CACNB4: variants seen among roughly 807,000 people sequenced by gnomAD.
CACNB4 encodes calcium voltage-gated channel auxiliary subunit beta 4, also known as voltage-dependent L-type calcium channel subunit beta-4.
A neutral mutation model predicts 71.2 loss-of-function variants in CACNB4; 32 were observed. The observed-to-expected ratio is 0.45, with a 90% CI of 0.34 to 0.60. The LOEUF is 0.60. Among genes scored for constraint, CACNB4 ranks in the 20% least tolerant of loss-of-function variants. The probability of loss-of-function intolerance (pLI) is 0.01; values close to 1 mark genes in which losing one functional copy is unlikely to be tolerated. For synonymous variants in CACNB4, 231 were observed against 236.9 expected, an observed-to-expected ratio of 0.97 and a Z score of 0.23; for missense variants, 464 against 647.9, an observed-to-expected ratio of 0.72 and a Z score of 3.08.
chr2:152,011,448 G>A (rs1579123594), intron 2 of CACNB4, among the ~76,000 whole-genome samples: 2 of 152,288 alleles, frequency 1.3e-5, no homozygotes, highest in East Asian at 3.9e-4. Flanking sequence ...GAAGCACGGA[G>A]AAATCAACTA....
chr2:152,097,779 T>C (rs1319718916), intron 2 of CACNB4, among the ~76,000 whole-genome samples: 1 of 152,156 alleles, frequency 6.6e-6, no homozygotes, highest in East Asian at 1.9e-4. Flanking sequence ...CAGCTGTCTT[T>C]CCCTAACTAA....
rs559260925 is a variant in CACNB4 at position 151,979,380 on chromosome 2, C to A, written c.148-96010G>T. The stretch of plus-strand genomic sequence containing the variant: ...GCAAGGTAAAAAAAATTCCCATGGC[C>A]TATTCAACTTGCCAGAAAATGACAG... On this transcript the variant is annotated intron_variant, in intron 2 of 13. Coordinates refer to ENST00000539935, the MANE Select transcript of CACNB4 (RefSeq NM_000726.5). Among the ~76,000 whole-genome samples, 3 of 151,846 alleles carry A rather than the reference C, an allele frequency of 2.0e-5. No homozygotes were observed. In the East Asian group the frequency reaches 5.8e-4, roughly 29 times the overall value.
chr2:151,964,708 T>C lies in CACNB4; in HGVS notation c.148-81338A>G, dbSNP rs1460761476. ...AGTACAAAATATGACTTTAGGGATATGACAATACAGAAAAATACCGCCATT... is the reference window on the plus strand; with the variant it reads ...AGTACAAAATATGACTTTAGGGATACGACAATACAGAAAAATACCGCCATT... On this transcript the variant is annotated intron_variant, in intron 2 of 13. Coordinates refer to ENST00000539935, the MANE Select transcript of CACNB4 (RefSeq NM_000726.5). Among the ~76,000 whole-genome samples the C allele has an allele frequency of 2.0e-5, 3 of 152,244 alleles. No homozygotes were observed. In the South Asian group the frequency reaches 6.2e-4, roughly 32 times the overall value.
intron 2 of CACNB4, among the ~76,000 whole-genome samples, chr2:152,030,352 A>G (rs1356328409): frequency 6.6e-6 from 1 of 152,250 alleles, no homozygotes; most frequent in Non-Finnish European, 1.5e-5. Flanking sequence ...AGTATAATTC[A>G]CTATGTATAG....
chr2:151,867,134 A>C (rs1367324668), intron 9 of CACNB4: 3 of 152,220 alleles, frequency 2.0e-5, no homozygotes, highest in Admixed American at 2.0e-4. Context: ...GGATTTGTTC[A>C]GATAGGGCTG....
In CACNB4 at chr2:151,836,083, T is replaced by C. The variant is rs2099834830; in HGVS notation, c.*3036A>G. 1 of 151,908 alleles carries C rather than the reference T, an allele frequency of 6.6e-6. No homozygotes were observed. Among genetic ancestry groups the C allele is most frequent in the African/African-American group, 2.4e-5 (1 of 41,452 alleles). The allele number at this position is 151,908 out of a possible 1,614,324, so 9.4% of individuals were successfully genotyped here. A position where few individuals can be genotyped will look rare whatever the true frequency, so the allele number is the denominator to read the frequency against. Reference sequence around the variant, plus strand: ...CTTTAAATATTAAACAAGATAATGTTGTTGGTTATAATATTAGAGTGACAT... The same window carrying C: ...CTTTAAATATTAAACAAGATAATGTCGTTGGTTATAATATTAGAGTGACAT... On this transcript the variant is annotated 3_prime_UTR_variant, in exon 14 of 14. Transcript: ENST00000539935.
chr2:151,907,048 A>G (rs551075261), intron 2 of CACNB4, among the ~76,000 whole-genome samples: 1 of 151,900 alleles, frequency 6.6e-6, no homozygotes, highest in South Asian at 2.1e-4. Flanking sequence ...TGAAAACCAC[A>G]TTTTATCCAT....
chr2:152,041,861 G>A (rs546886777), intron 2 of CACNB4, among the ~76,000 whole-genome samples: 1 of 152,344 alleles, frequency 6.6e-6, no homozygotes, highest in South Asian at 2.1e-4. Context: ...CCCTGCGTGA[G>A]CACTAATTCC....
intron 13 of CACNB4, among the ~76,000 whole-genome samples, chr2:151,841,023 C>T (rs1171717845): frequency 6.6e-6 from 1 of 152,178 alleles, no homozygotes; most frequent in Non-Finnish European, 1.5e-5. Context: ...ATCCTGTGTT[C>T]GTCACCAGCT....
At chr2:151,880,607 G>A (rs759790045) in intron 4 of CACNB4, 193 bp downstream of exon 4, 63 of 610,096 alleles carry the variant, frequency 1.0e-4, no homozygotes, top group Non-Finnish European at 1.6e-4. Flanking sequence ...TGTTGTCAGT[G>A]TGTGATAATG....
At chr2:151,931,496 A>G (rs1004127389) in intron 2 of CACNB4, among the ~76,000 whole-genome samples, 1 of 152,240 alleles carries the variant, frequency 6.6e-6, no homozygotes, top group Non-Finnish European at 1.5e-5. Context: ...TCAGGCTCAC[A>G]AAAGGAACAT....
At chr2:151,868,142 C>A (rs543985184) in intron 9 of CACNB4, 1 of 152,128 alleles carries the variant, frequency 6.6e-6, no homozygotes, top group Non-Finnish European at 1.5e-5. Flanking sequence ...CAATACCATG[C>A]TTGTTTTTAT....
intron 12 of CACNB4, among the ~76,000 whole-genome samples, chr2:151,848,281 T>C (rs894546027): frequency 2.6e-5 from 4 of 152,124 alleles, no homozygotes; most frequent in South Asian, 2.1e-4. Flanking sequence ...CTGAGAGAAA[T>C]TGGATCCCAT....
chr2:151,943,487 G>A (rs1277586000), intron 2 of CACNB4, among the ~76,000 whole-genome samples: 2 of 151,986 alleles, frequency 1.3e-5, no homozygotes, highest in Non-Finnish European at 2.9e-5. Flanking sequence ...GGATAAGATG[G>A]AGTAAGTACA....
Position 151,834,718 on chromosome 2 carries a change from T to C in CACNB4, c.*4401A>G, listed in dbSNP as rs528065181. 6.6e-6 allele frequency: 1 copy of C among 152,082 alleles called. No individual in the cohort carries two copies. Among genetic ancestry groups the C allele is most frequent in the African/African-American group, 2.4e-5 (1 of 41,556 alleles). The allele number at this position is 152,082 out of a possible 1,614,324, so 9.4% of individuals were successfully genotyped here. A position where few individuals can be genotyped will look rare whatever the true frequency, so the allele number is the denominator to read the frequency against. On this transcript the variant is annotated 3_prime_UTR_variant, in exon 14 of 14. Transcript: ENST00000539935. Reference sequence around the variant, plus strand: ...TGGATTGACTTGACTGGTTTGATCATGATTATTTTAAAGAAGAGGACTGTT... The same window carrying C: ...TGGATTGACTTGACTGGTTTGATCACGATTATTTTAAAGAAGAGGACTGTT...
chr2:151,938,024 C>T (rs2099863356), intron 2 of CACNB4, among the ~76,000 whole-genome samples: 1 of 152,222 alleles, frequency 6.6e-6, no homozygotes, highest in Non-Finnish European at 1.5e-5. Context: ...ATCCATTGGT[C>T]CTAACCCAAT....
chr2:151,973,733 G>A (rs2151737415), intron 2 of CACNB4: 1 of 1,611,926 alleles, frequency 6.2e-7, no homozygotes, highest in Non-Finnish European at 8.5e-7. Context: ...ATAATCCAGA[G>A]CACCTCTTTC....
rs752523136 is a variant in CACNB4 at position 151,835,714 on chromosome 2, G to C, written c.*3405C>G. ...TTTCCTTTTCTTACTTCCTTTCACT[G>C]CCTCCACTTCCTATTATGAATTTTA... On this transcript the variant is annotated 3_prime_UTR_variant, in exon 14 of 14. Coordinates refer to ENST00000539935, the MANE Select transcript of CACNB4 (RefSeq NM_000726.5). 6.6e-6 allele frequency: 1 copy of C among 151,664 alleles called. No homozygotes were observed. Among genetic ancestry groups the C allele is most frequent in the Non-Finnish European group, 1.5e-5 (1 of 67,686 alleles). 9.4% of individuals were successfully genotyped at this position (151,664 alleles called of 1,614,324 possible). A position where few individuals can be genotyped will look rare whatever the true frequency, so the allele number is the denominator to read the frequency against.
At chr2:151,947,924 G>A (rs562480411) in intron 2 of CACNB4, among the ~76,000 whole-genome samples, 33 of 152,366 alleles carry the variant, frequency 2.2e-4, no homozygotes, top group South Asian at 4.1e-4. Context: ...ATACTGAGGA[G>A]TCTTGGCCGA....
Sources: gnomAD v4.1 joint callset for allele counts (sites outside exome capture counted in the v4.1 genomes callset) on GRCh38, gnomAD v4.1.1 for gene constraint, MANE v1.5 for transcripts, NCBI Gene and HGNC (gene_info 2026-07-23, HGNC 2026-07-21) for gene names.